The following CA4 variants were observed in gnomAD, a reference collection of about 807,000 sequenced individuals.
The protein encoded by CA4 is CA-IV.
In CA4, 24 loss-of-function variants were observed where a neutral mutation model predicts 34.5. The observed-to-expected ratio is 0.70, with a 90% confidence interval of 0.50 to 0.98. The LOEUF (loss-of-function observed/expected upper bound fraction) is 0.98, where lower values mean the gene tolerates loss of function less well. Among genes scored for constraint, CA4 ranks in the 50% least tolerant of loss-of-function variants. CA4 has a pLI of 0.00. For synonymous variants in CA4, 178 were observed against 170.6 expected, an observed-to-expected ratio of 1.04 and a Z score of -0.34; for missense variants, 394 against 396.7, an observed-to-expected ratio of 0.99 and a Z score of 0.06.
intron 5 of CA4, among the ~76,000 whole-genome samples, chr17:60,167,496 C>T (rs2083867577): frequency 6.6e-6 from 1 of 152,182 alleles, no homozygotes; most frequent in Non-Finnish European, 1.5e-5. Flanking sequence ...AGGCTGGCCA[C>T]AGAGAGGGAG....
chr17:60,172,214 T>G (rs938649971), downstream of CA4, among the ~76,000 whole-genome samples: 1 of 152,172 alleles, frequency 6.6e-6, no homozygotes, highest in Non-Finnish European at 1.5e-5. Context: ...CCCGTCCCCT[T>G]ATCCCCAAGG....
chr17:60,167,312 C>T (rs2145304635), intron 5 of CA4, among the ~76,000 whole-genome samples: 1 of 152,272 alleles, frequency 6.6e-6, no homozygotes, highest in Admixed American at 6.5e-5. Context: ...GAGCGCTCTC[C>T]CCCACCACTC....
downstream of CA4, among the ~76,000 whole-genome samples, chr17:60,161,953 C>T (rs2083795456): frequency 6.6e-6 from 1 of 152,270 alleles, no homozygotes; most frequent in East Asian, 1.9e-4. Flanking sequence ...CCATCCCTGC[C>T]CTCCAGGCAA....
At chr17:60,173,786 T>C (rs540669751), downstream of CA4, among the ~76,000 whole-genome samples, 9 of 152,290 alleles carry the variant, frequency 5.9e-5, no homozygotes, top group African/African-American at 2.2e-4. Context: ...GAGAGGAGGA[T>C]CTCATAAATC....
chr17:60,162,774 C>T (rs1018892072), downstream of CA4, among the ~76,000 whole-genome samples: 1 of 152,114 alleles, frequency 6.6e-6, no homozygotes, highest in African/African-American at 2.4e-5. Flanking sequence ...TGGTGTTATC[C>T]CTCCCACAGC....
downstream of CA4, among the ~76,000 whole-genome samples, chr17:60,161,000 G>A (rs1206855759): frequency 3.3e-5 from 5 of 151,900 alleles, no homozygotes; most frequent in Non-Finnish European, 7.4e-5. Context: ...CTATAGAGGT[G>A]AAGGCAGAAC....
downstream of CA4, among the ~76,000 whole-genome samples, chr17:60,175,652 G>C (rs1468595661): frequency 1.0e-5 from 1 of 99,178 alleles, no homozygotes; most frequent in African/African-American, 4.5e-5. Context: ...CTGGGCGACA[G>C]AGTGAAACTC....
intron 1 of CA4, 109 bp downstream of exon 1, chr17:60,150,201 C>T: frequency 3.2e-6 from 3 of 937,470 alleles, no homozygotes; most frequent in South Asian, 3.0e-5. Flanking sequence ...GCGTCGGTGG[C>T]GCTGGGGTCC....
the CA4 span, among the ~76,000 whole-genome samples, chr17:60,176,543 C>G: frequency 1.3e-5 from 2 of 152,072 alleles, no homozygotes; most frequent in African/African-American, 4.8e-5. Context: ...CTTCTCTTCA[C>G]CTCATCTCCT....
chr17:60,163,465 C>T (rs892665514), downstream of CA4, among the ~76,000 whole-genome samples: 1 of 152,132 alleles, frequency 6.6e-6, no homozygotes, highest in Non-Finnish European at 1.5e-5. Context: ...AAGGCTGTCC[C>T]GGGCTCCTGC....
intron 6 of CA4, 59 bp from the exon 7 acceptor site, chr17:60,158,224 A>G (rs544927406): frequency 5.4e-5 from 87 of 1,605,752 alleles, no homozygotes; most frequent in Non-Finnish European, 6.8e-5. Flanking sequence ...CTCAGAGTGC[A>G]GGGGAAGAGG....
chr17:60,163,743 C>T (rs945485513), downstream of CA4, among the ~76,000 whole-genome samples: 378 of 152,212 alleles, frequency 2.5e-3, 6 homozygotes, highest in Non-Finnish European at 7.1e-4. Flanking sequence ...GTGTCAGCTG[C>T]GGCAAGGCCT....
intron 7 of CA4, 25 bp from the exon 8 acceptor site, chr17:60,159,205 C>T (rs774043643): frequency 6.3e-7 from 1 of 1,578,268 alleles, no homozygotes; most frequent in South Asian, 1.2e-5. Context: ...CTGCCCCGAC[C>T]TGCTGAGCCC....
At chr17:60,161,813 A>G (rs2083793438), downstream of CA4, among the ~76,000 whole-genome samples, 1 of 151,994 alleles carries the variant, frequency 6.6e-6, no homozygotes, top group African/African-American at 2.4e-5. Flanking sequence ...GGGTGTGTGG[A>G]CGCAGAACCT....
chr17:60,155,539 T>TCTCACA (rs3830361), intron 2 of CA4, among the ~76,000 whole-genome samples, 172 bp downstream of exon 2: 1 of 141,608 alleles, frequency 7.1e-6, no homozygotes, highest in African/African-American at 2.8e-5. Context: ...TCTCTCTCTC[T>TCTCACA]CACACACACA....
chr17:60,170,296 G>A (rs1425976412), intron 5 of CA4, among the ~76,000 whole-genome samples: 1 of 152,208 alleles, frequency 6.6e-6, no homozygotes, highest in African/African-American at 2.4e-5. Context: ...CTGGCAGGGG[G>A]CCAGTGGGGA....
chr17:60,158,944 T>G, intron 7 of CA4: 4 of 501,640 alleles, frequency 8.0e-6, no homozygotes, highest in Non-Finnish European at 1.1e-5. Context: ...TGCTCAAGTT[T>G]GAGAGCCACA....
downstream of CA4, among the ~76,000 whole-genome samples, chr17:60,172,744 T>TGA (rs1227748869): frequency 6.6e-6 from 1 of 152,094 alleles, no homozygotes; most frequent in Non-Finnish European, 1.5e-5. Flanking sequence ...CTTGGCAGGC[T>TGA]GAGGCAGGAG....
At chr17:60,155,502 C>T (rs1277776520) in intron 2 of CA4, 135 bp downstream of exon 2, 4 of 548,732 alleles carry the variant, frequency 7.3e-6, no homozygotes, top group South Asian at 1.7e-5. Flanking sequence ...CCAGCATACA[C>T]ACACACACAC....
Sources: allele counts gnomAD v4.1 joint callset (sites outside exome capture counted in the v4.1 genomes callset), GRCh38; gene constraint gnomAD v4.1.1; transcripts MANE v1.5; gene names NCBI Gene and HGNC (gene_info 2026-07-23, HGNC 2026-07-21).